AKAP13: variants seen among roughly 807,000 people sequenced by gnomAD.
AKAP13 encodes A-kinase anchor protein 13.
In AKAP13, 80 loss-of-function variants were observed where a neutral mutation model predicts 264.5. The observed-to-expected ratio is 0.30, with a 90% CI of 0.25 to 0.36. The LOEUF is 0.36. Ranked by LOEUF, AKAP13 falls within the 10% of genes least tolerant of loss-of-function variation. AKAP13 has a pLI of 1.00. For missense variants in AKAP13, 3,712 were observed against 3,435.2 expected (o/e 1.08, Z -2.01); for synonymous variants, 1,380 against 1,250.2 (o/e 1.10, Z -2.19).
chr15:85,463,331 C>T (rs932580835), intron 1 of AKAP13, among the ~76,000 whole-genome samples: 5 of 152,126 alleles, frequency 3.3e-5, no homozygotes, highest in Non-Finnish European at 7.4e-5. Context: ...AGATCGTTGC[C>T]GTTTGACAAA....
At chr15:85,410,460 C>T (rs1281483414) in intron 1 of AKAP13, among the ~76,000 whole-genome samples, 1 of 151,664 alleles carries the variant, frequency 6.6e-6, no homozygotes, top group Non-Finnish European at 1.5e-5. Context: ...CTTTGTGATG[C>T]TTTCAGGATC....
At chr15:85,567,625 T>C (rs12440599) in intron 5 of AKAP13, among the ~76,000 whole-genome samples, 93,047 of 151,948 alleles carry the variant, frequency 0.61, 28,650 homozygotes, top group Middle Eastern at 0.71. Context: ...GTAACCTCAT[T>C]GGTCTCCATT....
Position 85,724,104 on chromosome 15 carries a change from G to C in AKAP13, c.6745+784G>C, listed in dbSNP as rs1273514291. Among the ~76,000 whole-genome samples, 1 of 152,096 alleles carries C rather than the reference G, an allele frequency of 6.6e-6. No individual in the cohort carries two copies. Among genetic ancestry groups the C allele is most frequent in the Non-Finnish European group, 1.5e-5 (1 of 68,032 alleles). On this transcript the variant is annotated intron_variant, in intron 26 of 36. Coordinates refer to ENST00000394518, the MANE Select transcript of AKAP13 (RefSeq NM_007200.5). This position sits in a 1 kb window ranked among gnomAD's most constrained non-coding sequence, Gnocchi z 4.2. ...CAGTGAGCTGAGGACATTGAAGCAG[G>C]GTAGGCCAGTACTGTCAGCCTCACT...
intron 5 of AKAP13, chr15:85,544,263 A>T: frequency 2.1e-6 from 1 of 466,260 alleles, no homozygotes; most frequent in East Asian, 5.2e-5. Context: ...AGGTAGCATA[A>T]CATTACCAAT....
chr15:85,679,204 C>T (rs548021869), intron 14 of AKAP13, among the ~76,000 whole-genome samples: 8 of 151,822 alleles, frequency 5.3e-5, no homozygotes, highest in Non-Finnish European at 1.0e-4. Context: ...CATGCCATTG[C>T]ACTCCAGCCC....
chr15:85,709,212 C>A (rs2086488171), intron 18 of AKAP13, among the ~76,000 whole-genome samples: 1 of 152,174 alleles, frequency 6.6e-6, no homozygotes. Flanking sequence ...TTTCCCTGTA[C>A]CCAGCACTCC....
At chr15:85,557,696 A>C (rs980666348) in intron 5 of AKAP13, among the ~76,000 whole-genome samples, 9 of 152,126 alleles carry the variant, frequency 5.9e-5, no homozygotes, top group Admixed American at 3.9e-4. Flanking sequence ...GGCTGATCTC[A>C]AACTCCTGGA....
At chr15:85,583,091 C>T (rs577978368) in intron 7 of AKAP13, 2 of 985,458 alleles carry the variant, frequency 2.0e-6, no homozygotes, top group African/African-American at 3.5e-5. Flanking sequence ...GTTTGATGCA[C>T]ACTTCTATAC....
At chr15:85,527,113 C>A (rs1038944981) in intron 3 of AKAP13, among the ~76,000 whole-genome samples, 1 of 152,092 alleles carries the variant, frequency 6.6e-6, no homozygotes, top group African/African-American at 2.4e-5. Flanking sequence ...CAGGCGCCCG[C>A]CACCACGCCC....
chr15:85,632,726 G>GTAAC (rs1044825697), intron 8 of AKAP13, among the ~76,000 whole-genome samples: 17 of 152,146 alleles, frequency 1.1e-4, no homozygotes, highest in Non-Finnish European at 2.9e-5. Context: ...CTCACTTTAT[G>GTAAC]TAACACATGT....
chr15:85,405,146 C>G (rs943595306), intron 1 of AKAP13, among the ~76,000 whole-genome samples: 3 of 152,092 alleles, frequency 2.0e-5, no homozygotes, highest in Admixed American at 6.5e-5. Context: ...TTAATCGATT[C>G]AGACTTAGTT....
intron 17 of AKAP13, among the ~76,000 whole-genome samples, chr15:85,696,443 A>T (rs1045589426): frequency 6.6e-6 from 1 of 152,228 alleles, no homozygotes; most frequent in South Asian, 2.1e-4. Context: ...CCACTTATCA[A>T]TTAGACATTA....
chr15:85,434,358 T>C lies in AKAP13; in HGVS notation c.-11-51352T>C, dbSNP rs980649049. ...CTCGCTGACTGCTAGCACAGCAGTC[T>C]GAAATCAAACTGCAAGGCGGCAGCG... is the stretch of plus-strand genomic sequence containing the variant. On this transcript the variant is annotated intron_variant, in intron 1 of 36. Transcript: ENST00000394518. 1.2e-4 allele frequency among the ~76,000 whole-genome samples: 19 copies of C among 152,236 alleles called. 1 individual carries two copies. Among genetic ancestry groups the C allele is most frequent in the Admixed American group, 1.2e-3 (18 of 15,304 alleles).
chr15:85,462,896 C>T (rs977275109), intron 1 of AKAP13, among the ~76,000 whole-genome samples: 7 of 149,088 alleles, frequency 4.7e-5, no homozygotes, highest in African/African-American at 9.8e-5. Flanking sequence ...TAGTGGCGGG[C>T]ACCTGTAGTC....
chr15:85,730,303 GCCAGAAAGAT>G (rs1405410504), intron 29 of AKAP13, among the ~76,000 whole-genome samples, 200 bp from the exon 30 acceptor site: 32 of 152,192 alleles, frequency 2.1e-4, no homozygotes, highest in Non-Finnish European at 3.7e-4. Flanking sequence ...TCCATGGTTT[GCCAGAAAGAT>G]CCAGAATGGT....
At chr15:85,541,622 G>T (rs779278603) in intron 4 of AKAP13, among the ~76,000 whole-genome samples, 8 of 152,192 alleles carry the variant, frequency 5.3e-5, no homozygotes, top group Non-Finnish European at 1.0e-4. Context: ...CAAGACAGAA[G>T]AACTTTTGAT....
At chr15:85,624,767 C>G (rs1448357300) in intron 8 of AKAP13, 7 of 152,306 alleles carry the variant, frequency 4.6e-5, no homozygotes. Flanking sequence ...GAAACACTGC[C>G]AGAAACAAAG....
At chr15:85,596,583 CAAAAT>C (rs1261161356) in intron 8 of AKAP13, among the ~76,000 whole-genome samples, 1 of 151,846 alleles carries the variant, frequency 6.6e-6, no homozygotes, top group Admixed American at 6.6e-5. Context: ...GACCCTGTCT[CAAAAT>C]AAAATAAAAA....
At chr15:85,710,180 A>G (rs2151696033) in intron 18 of AKAP13, among the ~76,000 whole-genome samples, 1 of 152,370 alleles carries the variant, frequency 6.6e-6, no homozygotes, top group Non-Finnish European at 1.5e-5. Context: ...GCAAAAGTCA[A>G]AAGATGCTGC....
Sources: allele counts gnomAD v4.1 joint callset (sites outside exome capture counted in the v4.1 genomes callset), GRCh38; gene constraint gnomAD v4.1.1; non-coding constraint Gnocchi (gnomAD v3.1); transcripts MANE v1.5; gene names NCBI Gene and HGNC (gene_info 2026-07-23, HGNC 2026-07-21).